MND1: variants seen among roughly 807,000 people sequenced by gnomAD.
MND1 encodes meiotic nuclear division protein 1 homolog.
Under a neutral mutation model 35.1 loss-of-function variants are expected in MND1, and 28 were observed. The ratio of observed to expected loss-of-function variants is 0.80; its 90% CI spans 0.59 to 1.09. The LOEUF (loss-of-function observed/expected upper bound fraction) is 1.09, where lower values mean the gene tolerates loss of function less well. Among genes scored for constraint, MND1 ranks in the 50% least tolerant of loss-of-function variants. The pLI is 0.00. For missense variants in MND1, 213 were observed against 239.6 expected, an observed-to-expected ratio of 0.89 and a Z score of 0.73; for synonymous variants, 69 against 70.5, an observed-to-expected ratio of 0.98 and a Z score of 0.11.
chr4:153,404,039 T>G (rs1243205662), intron 6 of MND1, among the ~76,000 whole-genome samples: 1 of 152,026 alleles, frequency 6.6e-6, no homozygotes, highest in African/African-American at 2.4e-5. Context: ...AAACTATGGC[T>G]CACACACTGG....
intron 4 of MND1, among the ~76,000 whole-genome samples, chr4:153,372,378 A>AT (rs201664969): frequency 6.6e-6 from 1 of 150,956 alleles, no homozygotes; most frequent in African/African-American, 2.4e-5. Flanking sequence ...ATATCATAGG[A>AT]TTTTTTTTAA....
chr4:153,381,035 GACTAT>G (rs1170504113), intron 4 of MND1, among the ~76,000 whole-genome samples: 18 of 151,938 alleles, frequency 1.2e-4, no homozygotes, highest in Non-Finnish European at 4.4e-5. Context: ...AAGTAGCTGG[GACTAT>G]AGGCGCCTGC....
chr4:153,393,257 CTT>C (rs1309862711), intron 4 of MND1, among the ~76,000 whole-genome samples: 1 of 151,530 alleles, frequency 6.6e-6, no homozygotes, highest in Admixed American at 6.6e-5. Context: ...TTATTATTGA[CTT>C]AGTGAAATAA....
intron 2 of MND1, among the ~76,000 whole-genome samples, chr4:153,353,632 T>C (rs964748742): frequency 2.6e-5 from 4 of 151,772 alleles, no homozygotes; most frequent in African/African-American, 9.7e-5. Context: ...TTTTATGAAG[T>C]ATAATTTCTA....
intron 4 of MND1, among the ~76,000 whole-genome samples, chr4:153,375,354 A>G (rs1267084097): frequency 6.6e-6 from 1 of 152,110 alleles, no homozygotes; most frequent in Non-Finnish European, 1.5e-5. Context: ...ACTCTATTTT[A>G]TGTAAGAGAA....
At chr4:153,368,924 T>C (rs1257374410) in intron 4 of MND1, among the ~76,000 whole-genome samples, 3 of 152,186 alleles carry the variant, frequency 2.0e-5, no homozygotes, top group Non-Finnish European at 4.4e-5. Context: ...CTTTAAGAAA[T>C]AGACATTACT....
At chr4:153,400,227 C>T (rs1168822181) in intron 6 of MND1, among the ~76,000 whole-genome samples, 1 of 151,954 alleles carries the variant, frequency 6.6e-6, no homozygotes, top group African/African-American at 2.4e-5. Context: ...TTTTCATCAC[C>T]ATCAGACTAG....
chr4:153,383,402 G>C (rs1728763023), intron 4 of MND1, among the ~76,000 whole-genome samples: 1 of 152,162 alleles, frequency 6.6e-6, no homozygotes, highest in African/African-American at 2.4e-5. Flanking sequence ...GTCCAGCAGG[G>C]ACACCCACAA....
At chr4:153,368,858 A>G (rs1773722337) in intron 4 of MND1, among the ~76,000 whole-genome samples, 1 of 152,252 alleles carries the variant, frequency 6.6e-6, no homozygotes, top group Non-Finnish European at 1.5e-5. Flanking sequence ...ATTGCTATGT[A>G]ACAAAAATAT....
chr4:153,384,322 G>A (rs905226566), intron 4 of MND1, among the ~76,000 whole-genome samples: 1 of 138,050 alleles, frequency 7.2e-6, no homozygotes, highest in Non-Finnish European at 1.5e-5. Context: ...ACAGGCTGGA[G>A]TGTAGTGGTG....
chr4:153,386,737 G>T (rs187695269), intron 4 of MND1, among the ~76,000 whole-genome samples: 33 of 152,150 alleles, frequency 2.2e-4, no homozygotes, highest in African/African-American at 8.0e-4. Context: ...CAACAAAAAA[G>T]AAATCAAAGT....
chr4:153,379,588 A>G (rs1236757155), intron 4 of MND1, among the ~76,000 whole-genome samples: 5 of 151,822 alleles, frequency 3.3e-5, no homozygotes, highest in Admixed American at 3.3e-4. Context: ...GTGGTGGCTC[A>G]CGCCTGTAAT....
At chr4:153,409,068 C>T in intron 7 of MND1, 53 bp downstream of exon 7, 6 of 1,102,084 alleles carry the variant, frequency 5.4e-6, no homozygotes, top group Non-Finnish European at 7.3e-6. Flanking sequence ...TTCACACTTA[C>T]TGCGACGTGA....
At chr4:153,379,575 G>A (rs1030277598) in intron 4 of MND1, among the ~76,000 whole-genome samples, 1 of 151,576 alleles carries the variant, frequency 6.6e-6, no homozygotes, top group Non-Finnish European at 1.5e-5. Context: ...AAATTAGCCA[G>A]GCGTGGTGGC....
intron 4 of MND1, among the ~76,000 whole-genome samples, chr4:153,383,424 G>A (rs116042013): frequency 0.013 from 1,913 of 152,316 alleles, 44 homozygotes; most frequent in African/African-American, 0.044. Context: ...GAACCCAGAA[G>A]TGTGGCCTAA....
chr4:153,347,356 C>T (rs28694577), intron 1 of MND1, among the ~76,000 whole-genome samples: 28,329 of 152,028 alleles, frequency 0.19, 2,802 homozygotes, highest in African/African-American at 0.25. Flanking sequence ...TCTCTTCAAG[C>T]CAGGCAATAC....
chr4:153,348,374 C>T (rs542364553), intron 1 of MND1, among the ~76,000 whole-genome samples: 16 of 152,094 alleles, frequency 1.1e-4, no homozygotes, highest in Non-Finnish European at 1.6e-4. Context: ...GTCCAGCAGG[C>T]GGGTAGATGC....
At chr4:153,386,255 C>T (rs898189351) in intron 4 of MND1, among the ~76,000 whole-genome samples, 1 of 149,932 alleles carries the variant, frequency 6.7e-6, no homozygotes. Context: ...CTTTGGGAGA[C>T]TGTGGCAGGA....
intron 4 of MND1, among the ~76,000 whole-genome samples, chr4:153,360,608 A>G (rs551578902): frequency 8.6e-4 from 127 of 148,118 alleles, no homozygotes; most frequent in East Asian, 6.4e-3. Context: ...GTGTGTGTGT[A>G]TATATATATA....
Sources: allele counts gnomAD v4.1 joint callset (sites outside exome capture counted in the v4.1 genomes callset), GRCh38; gene constraint gnomAD v4.1.1; transcripts MANE v1.5; gene names NCBI Gene and HGNC (gene_info 2026-07-23, HGNC 2026-07-21).